Variants in ADCY9 observed in about 807,000 individuals in gnomAD.
ADCY9 encodes the protein adenylate cyclase 9, also known as adenylate cyclase type 9.
A neutral mutation model predicts 101.5 loss-of-function variants in ADCY9; 50 were observed. That is an observed-to-expected ratio of 0.49 (90% CI 0.39 to 0.62). The LOEUF (loss-of-function observed/expected upper bound fraction) is 0.62, where lower values mean the gene tolerates loss of function less well. ADCY9 is among the 20% of genes least tolerant of loss of function. The pLI is 0.00. For synonymous variants in ADCY9, 905 were observed against 769.3 expected (o/e 1.18, Z -2.92); for missense variants, 1,662 against 1,800.4 (o/e 0.92, Z 1.39).
In ADCY9 at chr16:4,115,256, C is replaced by A. The variant is rs147045155; in HGVS notation, c.187G>T (p.Val63Phe). ...SCSSSGDSGGVPRRVGGGGRL... is the reference protein window; with the variant it reads ...SCSSSGDSGGFPRRVGGGGRL... ...CCTCCGCCGCCCACTCGCCGGGGGA[C>A]GCCCCCGGAGTCCCCAGAGCTGCTG... Residue 63 changes from valine (V) to phenylalanine (F), a missense_variant, in exon 2 of 11, where the codon GTC becomes TTC. Coordinates refer to ENST00000294016, the MANE Select transcript of ADCY9 (RefSeq NM_001116.4). The surrounding 1 kb of genome is among the most constrained non-coding windows in gnomAD (Gnocchi z 6.2). 0.014 allele frequency: 23,072 copies of A among 1,613,278 alleles called. 217 individuals carry two copies. Among genetic ancestry groups the A allele is most frequent in the Non-Finnish European group, 0.017 (20,379 of 1,179,586 alleles).
At chr16:4,022,019 A>AT (rs2056480495) in intron 2 of ADCY9, among the ~76,000 whole-genome samples, 1 of 152,146 alleles carries the variant, frequency 6.6e-6, no homozygotes, top group South Asian at 2.1e-4. Context: ...CATAACCTTT[A>AT]ATCACTGAGA....
chr16:3,971,484 G>A (rs1460195334), intron 10 of ADCY9, among the ~76,000 whole-genome samples: 2 of 152,172 alleles, frequency 1.3e-5, no homozygotes, highest in African/African-American at 4.8e-5. Flanking sequence ...AAGACACCCT[G>A]TGCTTCACTG....
chr16:4,067,605 C>G (rs2056808241), intron 2 of ADCY9, among the ~76,000 whole-genome samples: 1 of 152,142 alleles, frequency 6.6e-6, no homozygotes, highest in Admixed American at 6.5e-5. Context: ...TGGGGTAGCT[C>G]TACCCACCCC....
rs1191923011 is a variant in ADCY9, at chr16:3,965,634, A to G, written c.*141T>C. 4.1e-6 allele frequency: 3 copies of G among 727,004 alleles called. No individual in the cohort carries two copies. The African/African-American group carries it at 5.3e-5, about 13-fold the overall frequency. The allele number at this position is 727,004 out of a possible 1,614,324, so 45.0% of individuals were successfully genotyped here. A position where few individuals can be genotyped will look rare whatever the true frequency, so the allele number is the denominator to read the frequency against. ...AATGAACCCTGAATAACTGTGATCCACACAGAAGTTAGGGCTGAAATGACC... is the reference window on the plus strand; with the variant it reads ...AATGAACCCTGAATAACTGTGATCCGCACAGAAGTTAGGGCTGAAATGACC... On this transcript the variant is annotated 3_prime_UTR_variant, in exon 11 of 11. Coordinates refer to ENST00000294016, the MANE Select transcript of ADCY9 (RefSeq NM_001116.4).
chr16:4,075,067 C>T (rs1416576959), intron 2 of ADCY9, among the ~76,000 whole-genome samples: 5 of 152,166 alleles, frequency 3.3e-5, no homozygotes, highest in African/African-American at 4.8e-5. Flanking sequence ...GTCCCAGCTA[C>T]TCAGGAAGCT....
intron 2 of ADCY9, among the ~76,000 whole-genome samples, chr16:4,036,637 T>G (rs1439788962): frequency 3.3e-5 from 5 of 151,982 alleles, no homozygotes; most frequent in Non-Finnish European, 7.4e-5. Context: ...AATTTTTGTA[T>G]TTTTAGTAGA....
chr16:4,083,151 C>T (rs1308221141), intron 2 of ADCY9, among the ~76,000 whole-genome samples: 1 of 152,162 alleles, frequency 6.6e-6, no homozygotes. Flanking sequence ...ATAGTAAATG[C>T]GTTTTTTTGT....
intron 2 of ADCY9, among the ~76,000 whole-genome samples, chr16:4,020,457 T>C (rs1270312027): frequency 6.6e-6 from 1 of 152,176 alleles, no homozygotes; most frequent in Non-Finnish European, 1.5e-5. Context: ...TGTTATTTAT[T>C]ATAGATGACA....
At chr16:4,088,381 T>A (rs2056953013) in intron 2 of ADCY9, among the ~76,000 whole-genome samples, 1 of 151,766 alleles carries the variant, frequency 6.6e-6, no homozygotes, top group South Asian at 2.1e-4. Flanking sequence ...AGCCTCAACT[T>A]CCCAGGCTCA....
At chr16:4,038,482 C>T (rs924989427) in intron 2 of ADCY9, among the ~76,000 whole-genome samples, 4 of 152,112 alleles carry the variant, frequency 2.6e-5, no homozygotes, top group African/African-American at 9.7e-5. Flanking sequence ...GCCAAGGCCT[C>T]GATCCTGGAC....
At chr16:3,994,063 G>C (rs1242516762) in intron 3 of ADCY9, among the ~76,000 whole-genome samples, 4 of 152,136 alleles carry the variant, frequency 2.6e-5, no homozygotes, top group East Asian at 1.9e-4. Context: ...GTCAGACGCT[G>C]AAATCCTAAT....
At chr16:4,006,136 A>G (rs1263869011) in intron 3 of ADCY9, among the ~76,000 whole-genome samples, 1 of 152,170 alleles carries the variant, frequency 6.6e-6, no homozygotes, top group Non-Finnish European at 1.5e-5. Flanking sequence ...CCCAGGGGAC[A>G]CTGGGCCATG....
intron 2 of ADCY9, among the ~76,000 whole-genome samples, chr16:4,028,332 C>T (rs1312910537): frequency 6.6e-6 from 1 of 152,138 alleles, no homozygotes; most frequent in Non-Finnish European, 1.5e-5. Context: ...TTATTACAGC[C>T]AAGACGTGGG....
At position 3,977,583 on chromosome 16, in the gene ADCY9, G is replaced by A. The variant is rs1185906204; in HGVS notation, c.2727C>T (p.Tyr909=). 1.9e-6 allele frequency: 3 copies of A among 1,612,134 alleles called. No individual in the cohort carries two copies. Among genetic ancestry groups the A allele is most frequent in the Admixed American group, 3.3e-5 (2 of 59,860 alleles). Residue 909 remains tyrosine (Y), a synonymous_variant, in exon 9 of 11, where the codon TAC becomes TAT. Transcript: ENST00000294016. ...GSAALIAVVH[Y]CNFCQLSSWM... ...AGGAGCTGAGCTGGCAGAAGTTACAGTAGTGCACGACGGCAATCAGCGCGG... is the reference window on the plus strand; with the variant it reads ...AGGAGCTGAGCTGGCAGAAGTTACAATAGTGCACGACGGCAATCAGCGCGG...
intron 3 of ADCY9, among the ~76,000 whole-genome samples, chr16:4,004,251 T>TTA (rs752386640): frequency 9.3e-6 from 1 of 107,722 alleles, no homozygotes; most frequent in Non-Finnish European, 1.8e-5. Flanking sequence ...CCCATCTCTT[T>TTA]AAAAAAAAAA....
intron 6 of ADCY9, among the ~76,000 whole-genome samples, chr16:3,984,774 C>T (rs2056176224): frequency 6.6e-6 from 1 of 152,366 alleles, no homozygotes; most frequent in South Asian, 2.1e-4. Context: ...TGGGTGTCCA[C>T]TCAGCATCCC....
At chr16:4,067,168 A>C (rs1448662174) in intron 2 of ADCY9, among the ~76,000 whole-genome samples, 1 of 152,204 alleles carries the variant, frequency 6.6e-6, no homozygotes, top group Admixed American at 6.5e-5. Context: ...TAGAAATACG[A>C]ACTCCTGCCC....
At chr16:3,958,465 G>C (rs190570669), downstream of ADCY9, among the ~76,000 whole-genome samples, 215 of 148,568 alleles carry the variant, frequency 1.4e-3, 1 homozygote, top group African/African-American at 5.1e-3. Context: ...ACTTGAACCT[G>C]GGAGGTGGAG....
At chr16:4,014,338 A>AAG (rs1555509174) in intron 2 of ADCY9, among the ~76,000 whole-genome samples, 52 of 150,760 alleles carry the variant, frequency 3.4e-4, no homozygotes, top group Admixed American at 2.0e-3. Context: ...AAAAAAAAAA[A>AAG]AAGAAGTCCC....
Sources: gnomAD v4.1 joint callset for allele counts (sites outside exome capture counted in the v4.1 genomes callset) on GRCh38, gnomAD v4.1.1 for gene constraint, Gnocchi (gnomAD v3.1) non-coding constraint, MANE v1.5 for transcripts, NCBI Gene and HGNC (gene_info 2026-07-23, HGNC 2026-07-21) for gene names.